GLIPR1: variants seen among roughly 807,000 people sequenced by gnomAD.
The protein encoded by GLIPR1 is glioma pathogenesis-related protein 1.
GLIPR1 carries 38 observed loss-of-function variants against 30.3 expected under a neutral mutation model. The ratio of observed to expected loss-of-function variants is 1.26; its 90% confidence interval spans 0.97 to 1.65. The LOEUF is 1.65. GLIPR1 is among the 40% of genes most tolerant of loss of function. The pLI is 0.00. For missense variants in GLIPR1, 285 were observed against 326.5 expected (o/e 0.87, Z 0.98); for synonymous variants, 122 against 110.6 (o/e 1.10, Z -0.65).
intron 3 of GLIPR1, chr12:75,491,318 C>G (rs1223927719): frequency 1.3e-5 from 2 of 152,182 alleles, no homozygotes; most frequent in Non-Finnish European, 2.9e-5. Flanking sequence ...ACACACGGGT[C>G]AGCAACCTGC....
chr12:75,488,349 C>T (rs2120518101), intron 2 of GLIPR1, among the ~76,000 whole-genome samples: 1 of 152,014 alleles, frequency 6.6e-6, no homozygotes, highest in African/African-American at 2.4e-5. Flanking sequence ...ACCAGCCTGA[C>T]CAACATAGTG....
intron 2 of GLIPR1, among the ~76,000 whole-genome samples, chr12:75,485,079 CTG>C (rs2046287451): frequency 6.6e-6 from 1 of 152,178 alleles, no homozygotes; most frequent in South Asian, 2.1e-4. Flanking sequence ...TACTCAATTG[CTG>C]TGTTAAATTC....
intron 2 of GLIPR1, among the ~76,000 whole-genome samples, chr12:75,489,364 C>T (rs886746418): frequency 2.6e-5 from 4 of 152,154 alleles, no homozygotes; most frequent in African/African-American, 9.7e-5. Flanking sequence ...TTTCATTATT[C>T]CAGACTCTCA....
chr12:75,491,470 A>G (rs536805503), intron 3 of GLIPR1: 15 of 152,260 alleles, frequency 9.9e-5, no homozygotes, highest in African/African-American at 3.6e-4. Flanking sequence ...ATGATGAACA[A>G]CCTCATATAT....
chr12:75,485,380 T>C (rs1000394527), intron 2 of GLIPR1, among the ~76,000 whole-genome samples: 2 of 152,198 alleles, frequency 1.3e-5, no homozygotes, highest in Non-Finnish European at 2.9e-5. Flanking sequence ...AGTTCAGCTT[T>C]ATAAAGTTTA....
intron 2 of GLIPR1, among the ~76,000 whole-genome samples, chr12:75,485,435 G>A (rs953045717): frequency 6.6e-6 from 1 of 152,058 alleles, no homozygotes; most frequent in Non-Finnish European, 1.5e-5. Context: ...AGGATTACTT[G>A]GATTTGATAG....
intron 3 of GLIPR1, chr12:75,492,502 A>G (rs2046329185): frequency 1.3e-5 from 2 of 152,266 alleles, no homozygotes; most frequent in Non-Finnish European, 2.9e-5. Context: ...CACTTAGAGT[A>G]GCTATGAAAG....
At chr12:75,489,858 C>T (rs2046311576) in intron 2 of GLIPR1, 1 of 152,538 alleles carries the variant, frequency 6.6e-6, no homozygotes, top group African/African-American at 2.4e-5. Context: ...TCACAAGAAT[C>T]TCCCTGATCG....
Position 75,501,573 on chromosome 12 carries a change from A to G in GLIPR1, c.*2595A>G, listed in dbSNP as rs757858320. On this transcript the variant is annotated 3_prime_UTR_variant, in exon 6 of 6. Coordinates refer to ENST00000266659, the MANE Select transcript of GLIPR1 (RefSeq NM_006851.3). ...CTGCCTCTAAATTATAAATTATCTC[A>G]GCCATCCCTTGTCCTTAGGATTAGT... The G allele has an allele frequency of 1.1e-4, 67 of 601,786 alleles. No homozygotes were observed. Among genetic ancestry groups the G allele is most frequent in the Non-Finnish European group, 1.9e-4 (66 of 345,676 alleles). 37.3% of individuals were successfully genotyped at this position (601,786 alleles called of 1,614,324 possible).
rs1330207669 is a variant in GLIPR1 at position 75,500,612 on chromosome 12, G to C, written c.*1634G>C. The C allele has an allele frequency of 2.0e-5, 3 of 151,906 alleles. No individual in the cohort carries two copies. The highest frequency in any genetic ancestry group is 2.9e-5 in the Non-Finnish European group (2 of 67,928). The allele number at this position is 151,906 out of a possible 1,614,324, so 9.4% of individuals were successfully genotyped here. A position where few individuals can be genotyped will look rare whatever the true frequency, so the allele number is the denominator to read the frequency against. ...ATTTTGGTAATAAAGACAATAATTTGAGAGTGTGTGGAAGTCCCCCTAATA... is the reference window on the plus strand; with the variant it reads ...ATTTTGGTAATAAAGACAATAATTTCAGAGTGTGTGGAAGTCCCCCTAATA... On this transcript the variant is annotated 3_prime_UTR_variant, in exon 6 of 6. Coordinates refer to ENST00000266659, the MANE Select transcript of GLIPR1 (RefSeq NM_006851.3).
At chr12:75,487,436 G>A (rs73356171) in intron 2 of GLIPR1, among the ~76,000 whole-genome samples, 1,927 of 152,336 alleles carry the variant, frequency 0.013, 43 homozygotes, top group African/African-American at 0.044. Context: ...CTGGGCTTTC[G>A]CAGTGAGACA....
Position 75,502,054 on chromosome 12 carries a change from T to C in GLIPR1, c.*3076T>C, listed in dbSNP as rs1408975938. ...CAGAAATAATGTAGAGGAGAAGTCATGTCCTAAGCAAGTCACAATATCCTT... is the reference window on the plus strand; with the variant it reads ...CAGAAATAATGTAGAGGAGAAGTCACGTCCTAAGCAAGTCACAATATCCTT... On this transcript the variant is annotated 3_prime_UTR_variant, in exon 6 of 6. Coordinates refer to ENST00000266659, the MANE Select transcript of GLIPR1 (RefSeq NM_006851.3). 3 of 1,419,140 alleles carry C rather than the reference T, an allele frequency of 2.1e-6. No homozygotes were observed. The highest frequency in any genetic ancestry group is 3.0e-6 in the Non-Finnish European group (3 of 1,008,446). The allele number at this position is 1,419,140 out of a possible 1,614,324, so 87.9% of individuals were successfully genotyped here. A position where few individuals can be genotyped will look rare whatever the true frequency, so the allele number is the denominator to read the frequency against.
rs1281596370 is a variant in GLIPR1, at chr12:75,498,918, G to A, written c.741G>A (p.Leu247=). 2.5e-6 allele frequency: 4 copies of A among 1,602,540 alleles called. No homozygotes were observed. The highest frequency in any genetic ancestry group is 3.4e-6 in the Non-Finnish European group (4 of 1,170,458). ...TTGTTAATTCAGTAATTCTAATACT[G>A]TCTGTTATAATTACCATTTTGGTAC... The part of the protein sequence containing the change: ...FLIVNSVILI[L]SVIITILVQH... The change falls in exon 6 of 6, where the codon CTG becomes CTA. Residue 247 remains leucine (L), a synonymous_variant. Coordinates refer to ENST00000266659, the MANE Select transcript of GLIPR1 (RefSeq NM_006851.3).
chr12:75,491,374 G>C, intron 3 of GLIPR1: 1 of 152,128 alleles, frequency 6.6e-6, no homozygotes, highest in East Asian at 1.9e-4. Context: ...CTTTGATCTG[G>C]CTGTCTAGCT....
intron 3 of GLIPR1, chr12:75,492,052 C>G (rs1285641225): frequency 6.7e-6 from 1 of 148,946 alleles, no homozygotes; most frequent in Non-Finnish European, 1.5e-5. Context: ...AAAAACTAGA[C>G]AAAGCCATAA....
Position 75,501,927 on chromosome 12 carries a change from A to ATTGCTTC in GLIPR1, c.*2950_*2956dup. On this transcript the variant is annotated 3_prime_UTR_variant, in exon 6 of 6. Transcript: ENST00000266659. ...GCCAGACATAAAGTGCCGTACCTTT[A>ATTGCTTC]TTGCTTCCATTTTCTGCCGCTTCTT... The ATTGCTTC allele has an allele frequency of 1.2e-6, 2 of 1,612,448 alleles. No homozygotes were observed. The highest frequency in any genetic ancestry group is 1.7e-6 in the Non-Finnish European group (2 of 1,178,956).
At chr12:75,496,694 T>C (rs1473569710) in intron 4 of GLIPR1, 1 of 152,146 alleles carries the variant, frequency 6.6e-6, no homozygotes, top group Non-Finnish European at 1.5e-5. Context: ...GTGCTTAGAA[T>C]AGAGGAAGGA....
intron 2 of GLIPR1, among the ~76,000 whole-genome samples, chr12:75,485,524 A>G: frequency 8.0e-6 from 1 of 124,750 alleles, no homozygotes; most frequent in East Asian, 2.3e-4. Context: ...CACCCTCTTG[A>G]CAGCTTTATT....
Position 75,499,112 on chromosome 12 carries a change from T to G in GLIPR1, c.*134T>G, listed in dbSNP as rs1409042547. ...ATATATGTTATAGCAATACTCTTAC[T>G]CAAAAGAAGAAATTTCCTAACTCTA... is the stretch of plus-strand genomic sequence containing the variant. On this transcript the variant is annotated 3_prime_UTR_variant, in exon 6 of 6. Transcript: ENST00000266659. 3 of 511,332 alleles carry G rather than the reference T, an allele frequency of 5.9e-6. No homozygotes were observed. In the African/African-American group the frequency reaches 6.0e-5, roughly 10 times the overall value. The allele number at this position is 511,332 out of a possible 1,614,324, so 31.7% of individuals were successfully genotyped here.
Sources: allele counts gnomAD v4.1 joint callset (sites outside exome capture counted in the v4.1 genomes callset), GRCh38; gene constraint gnomAD v4.1.1; transcripts MANE v1.5; gene names NCBI Gene and HGNC (gene_info 2026-07-23, HGNC 2026-07-21).